Variants in DENND4C observed in about 807,000 individuals in gnomAD.
The protein encoded by DENND4C is DENN domain-containing protein 4C.
DENND4C carries 108 observed loss-of-function variants against 203.0 expected under a neutral mutation model. That is an observed-to-expected ratio of 0.53 (90% confidence interval 0.46 to 0.62). The LOEUF (loss-of-function observed/expected upper bound fraction) is 0.62. DENND4C is among the 20% of genes least tolerant of loss of function. The pLI, the probability that DENND4C is intolerant of heterozygous loss-of-function variation, is 0.00. For synonymous variants in DENND4C, 871 were observed against 792.4 expected (o/e 1.10, Z -1.67); for missense variants, 2,481 against 2,301.2 (o/e 1.08, Z -1.60).
intron 10 of DENND4C, among the ~76,000 whole-genome samples, chr9:19,306,865 C>T (rs901100862): frequency 1.3e-5 from 2 of 151,890 alleles, no homozygotes; most frequent in African/African-American, 4.8e-5. Flanking sequence ...TCTGCAGTCT[C>T]CGCCTCCTGG....
chr9:19,236,407 A>G (rs941443339), intron 1 of DENND4C, among the ~76,000 whole-genome samples: 1 of 152,220 alleles, frequency 6.6e-6, no homozygotes, highest in Non-Finnish European at 1.5e-5. Flanking sequence ...TGAAGTAATG[A>G]AAAAATGTGA....
At chr9:19,287,882 G>A (rs906508847) in intron 3 of DENND4C, among the ~76,000 whole-genome samples, 7 of 152,110 alleles carry the variant, frequency 4.6e-5, no homozygotes, top group African/African-American at 1.4e-4. Context: ...ACGGGCGTGC[G>A]CCACTACGCC....
intron 28 of DENND4C, among the ~76,000 whole-genome samples, chr9:19,359,935 A>G (rs1013795934): frequency 1.3e-5 from 2 of 152,238 alleles, no homozygotes; most frequent in African/African-American, 4.8e-5. Flanking sequence ...ACTATAAAGC[A>G]TCTGAAATGC....
At chr9:19,315,537 GTATA>G (rs956343010) in intron 10 of DENND4C, among the ~76,000 whole-genome samples, 1 of 150,232 alleles carries the variant, frequency 6.7e-6, no homozygotes, top group Non-Finnish European at 1.5e-5. Context: ...ATATGTATGT[GTATA>G]TATATACGTG....
Position 19,279,261 on chromosome 9 carries a change from G to A in DENND4C, c.305+2782G>A, listed in dbSNP as rs923465170. 9.7e-5 allele frequency among the ~76,000 whole-genome samples: 8 copies of A among 82,714 alleles called. 2 individuals are homozygous for A. The highest frequency in any genetic ancestry group is 5.9e-4 in the East Asian group (1 of 1,682). 54.3% of individuals were successfully genotyped at this position (82,714 alleles called of 152,430 possible). On this transcript the variant is annotated intron_variant, in intron 2 of 32. Coordinates refer to ENST00000434457, the MANE Select transcript of DENND4C (RefSeq NM_001330640.2). ...GGAGAATCACTTGAACCCGGGAGGC[G>A]GAGGTTGCAGTGAACCAAGATCACA...
In DENND4C at chr9:19,316,477, A is replaced by G. The variant is rs1271025384; in HGVS notation, c.1548A>G (p.Leu516=). The G allele has an allele frequency of 5.0e-6, 8 of 1,613,950 alleles. No homozygotes were observed. Among genetic ancestry groups the G allele is most frequent in the Middle Eastern group, 1.7e-4 (1 of 6,060 alleles). Residue 516 remains leucine (L), a synonymous_variant, in exon 11 of 33, where the codon CTA becomes CTG. Transcript: ENST00000434457. ...KQLPKKPCKN[L]LSTLKKLYPQ... Reference sequence around the variant, plus strand: ...TTCCCAAAAAGCCGTGCAAAAATCTACTTAGCACCTTAAAGAAATTGTATC... The same window carrying G: ...TTCCCAAAAAGCCGTGCAAAAATCTGCTTAGCACCTTAAAGAAATTGTATC...
intron 6 of DENND4C, among the ~76,000 whole-genome samples, chr9:19,297,121 C>A (rs935543306): frequency 6.6e-6 from 1 of 152,054 alleles, no homozygotes; most frequent in African/African-American, 2.4e-5. Flanking sequence ...TTTATGTATC[C>A]TGCTAACAAA....
intron 1 of DENND4C, among the ~76,000 whole-genome samples, chr9:19,258,392 T>C (rs897020530): frequency 5.3e-5 from 8 of 152,252 alleles, no homozygotes; most frequent in South Asian, 2.1e-4. Context: ...ACCAAAGATA[T>C]TACAGGAAAA....
At chr9:19,342,406 T>C (rs1193722029) in intron 21 of DENND4C, among the ~76,000 whole-genome samples, 2 of 152,152 alleles carry the variant, frequency 1.3e-5, no homozygotes, top group Non-Finnish European at 2.9e-5. Context: ...TAAAGAACAT[T>C]TATGTTAGGA....
chr9:19,274,067 T>C (rs531453329), intron 1 of DENND4C, among the ~76,000 whole-genome samples: 3 of 152,144 alleles, frequency 2.0e-5, no homozygotes, highest in East Asian at 3.9e-4. Context: ...AGAATACCAC[T>C]CAGTAATAAA....
In DENND4C at chr9:19,287,033, G is replaced by C. The variant is rs1221217139; in HGVS notation, c.558+12G>C. 8.1e-7 allele frequency: 1 copy of C among 1,231,842 alleles called. No individual in the cohort carries two copies. Among genetic ancestry groups the C allele is most frequent in the African/African-American group, 1.6e-5 (1 of 64,412 alleles). The allele number at this position is 1,231,842 out of a possible 1,614,324, so 76.3% of individuals were successfully genotyped here. On this transcript the variant is annotated intron_variant, in intron 3 of 32. Coordinates refer to ENST00000434457, the MANE Select transcript of DENND4C (RefSeq NM_001330640.2). ...TAAATTGTGGAATGGTAAGAATAAA[G>C]TTTTCATCTTCAAAGTTTCATATGA... is the stretch of plus-strand genomic sequence containing the variant.
intron 1 of DENND4C, among the ~76,000 whole-genome samples, chr9:19,264,659 T>C (rs1469929355): frequency 6.6e-6 from 1 of 152,172 alleles, no homozygotes; most frequent in Non-Finnish European, 1.5e-5. Flanking sequence ...TAATGTCTCA[T>C]CTCTGATCTT....
In DENND4C at chr9:19,372,037, A is replaced by G; in HGVS notation, c.5741A>G (p.Glu1914Gly). 6.3e-7 allele frequency: 1 copy of G among 1,598,138 alleles called. No individual in the cohort carries two copies. The highest frequency in any genetic ancestry group is 8.5e-7 in the Non-Finnish European group (1 of 1,173,808). Residue 1914 changes from glutamate to glycine, a missense_variant and splice_region_variant, in exon 33 of 33, where the codon GAG becomes GGG. Coordinates refer to ENST00000434457, the MANE Select transcript of DENND4C (RefSeq NM_001330640.2). ...VSLGRENIDI[E>G]AFDNEYGIAY... is the part of the protein sequence containing the mutation. ...CTTCATTTTTGAAAATTTCTTTCAG[A>G]GGCATTTGACAATGAATATGGAATT...
intron 1 of DENND4C, among the ~76,000 whole-genome samples, chr9:19,265,353 C>T (rs1830274740): frequency 6.6e-6 from 1 of 152,116 alleles, no homozygotes; most frequent in Admixed American, 6.6e-5. Flanking sequence ...TCTTCATTGA[C>T]CCAGTGGTCA....
intron 1 of DENND4C, among the ~76,000 whole-genome samples, chr9:19,257,300 G>A (rs1465454895): frequency 6.8e-6 from 1 of 147,918 alleles, no homozygotes; most frequent in Non-Finnish European, 1.5e-5. Context: ...AGGTTGCAGT[G>A]ATCCAAGATC....
At chr9:19,306,300 G>T (rs7035750) in intron 10 of DENND4C, among the ~76,000 whole-genome samples, 1,722 of 152,248 alleles carry the variant, frequency 0.011, 34 homozygotes, top group African/African-American at 0.037. Context: ...AGTAGAATTC[G>T]TTGGGAAAAT....
At chr9:19,263,871 G>A (rs536312556) in intron 1 of DENND4C, among the ~76,000 whole-genome samples, 8 of 152,016 alleles carry the variant, frequency 5.3e-5, no homozygotes, top group African/African-American at 1.7e-4. Flanking sequence ...TGTTGGCCAG[G>A]CTGGTCTCGA....
At chr9:19,324,212 A>T in intron 12 of DENND4C, 150 bp from the exon 13 acceptor site, 1 of 480,030 alleles carries the variant, frequency 2.1e-6, no homozygotes, top group East Asian at 3.7e-5. Context: ...CAGATAAGAG[A>T]TACTCAACCT....
chr9:19,292,059 T>G (rs1294997914), intron 5 of DENND4C, among the ~76,000 whole-genome samples: 1 of 152,108 alleles, frequency 6.6e-6, no homozygotes, highest in East Asian at 1.9e-4. Context: ...AATGTCACTC[T>G]TGTTGCCCAG....
Sources: allele counts gnomAD v4.1 joint callset (sites outside exome capture counted in the v4.1 genomes callset), GRCh38; gene constraint gnomAD v4.1.1; transcripts MANE v1.5; gene names NCBI Gene and HGNC (gene_info 2026-07-23, HGNC 2026-07-21).